FOXJ3: variants seen among roughly 807,000 people sequenced by gnomAD.
FOXJ3 encodes forkhead box J3.
A neutral mutation model predicts 76.1 loss-of-function variants in FOXJ3; 22 were observed. The observed-to-expected ratio is 0.29, with a 90% CI of 0.21 to 0.41. The LOEUF is 0.41. FOXJ3 is among the 10% of genes least tolerant of loss of function. FOXJ3 has a pLI of 1.00. For synonymous variants in FOXJ3, 269 were observed against 261.2 expected (o/e 1.03, Z -0.29); for missense variants, 613 against 762.1 (o/e 0.80, Z 2.30).
At chr1:42,254,679 T>A (rs200440265) in intron 4 of FOXJ3, among the ~76,000 whole-genome samples, 2 of 137,508 alleles carry the variant, frequency 1.5e-5, no homozygotes, top group African/African-American at 5.3e-5. Flanking sequence ...ATGGATGAAA[T>A]TGGAAATCAT....
At chr1:42,193,772 G>T (rs1199153237) in intron 8 of FOXJ3, among the ~76,000 whole-genome samples, 1 of 152,124 alleles carries the variant, frequency 6.6e-6, no homozygotes, top group African/African-American at 2.4e-5. Context: ...CTGAGTTGGG[G>T]TGCCACAGTT....
intron 3 of FOXJ3, among the ~76,000 whole-genome samples, chr1:42,266,547 T>C (rs1651478615): frequency 6.6e-6 from 1 of 152,034 alleles, no homozygotes; most frequent in Non-Finnish European, 1.5e-5. Context: ...AGAAATTAGC[T>C]AAAATTTTAA....
intron 5 of FOXJ3, among the ~76,000 whole-genome samples, chr1:42,227,344 T>C (rs142256823): frequency 6.6e-6 from 1 of 152,358 alleles, no homozygotes; most frequent in East Asian, 1.9e-4. Context: ...ATAGACAACT[T>C]AGGATATTAA....
At chr1:42,330,493 C>T (rs1656092768) in intron 1 of FOXJ3, among the ~76,000 whole-genome samples, 1 of 152,038 alleles carries the variant, frequency 6.6e-6, no homozygotes, top group South Asian at 2.1e-4. Flanking sequence ...CAAAAATTAG[C>T]TGAGCATGGT....
intron 2 of FOXJ3, among the ~76,000 whole-genome samples, chr1:42,300,275 T>C (rs1654051805): frequency 6.6e-6 from 1 of 152,206 alleles, no homozygotes; most frequent in South Asian, 2.1e-4. Flanking sequence ...CCTTAGAGTT[T>C]CAACTATATA....
At chr1:42,292,600 A>C (rs1035650205) in intron 2 of FOXJ3, among the ~76,000 whole-genome samples, 9 of 152,222 alleles carry the variant, frequency 5.9e-5, no homozygotes, top group African/African-American at 2.2e-4. Flanking sequence ...GCAAATATAT[A>C]ATAAGGAACA....
intron 5 of FOXJ3, among the ~76,000 whole-genome samples, chr1:42,224,947 C>T (rs377744708): frequency 1.3e-5 from 2 of 151,642 alleles, no homozygotes; most frequent in East Asian, 1.9e-4. Flanking sequence ...ATTAGCTGGG[C>T]GTGGTGGTAG....
At chr1:42,306,158 C>G (rs996531210) in intron 2 of FOXJ3, among the ~76,000 whole-genome samples, 2 of 152,174 alleles carry the variant, frequency 1.3e-5, no homozygotes, top group African/African-American at 2.4e-5. Flanking sequence ...CTTACTGCAT[C>G]TGTACTTGGA....
chr1:42,218,497 C>T (rs1174633360), intron 5 of FOXJ3, among the ~76,000 whole-genome samples: 1 of 152,128 alleles, frequency 6.6e-6, no homozygotes, highest in African/African-American at 2.4e-5. Context: ...CCGCAAGGGC[C>T]AATATGTTTA....
At chr1:42,219,193 C>A (rs1486176379) in intron 5 of FOXJ3, among the ~76,000 whole-genome samples, 1 of 152,124 alleles carries the variant, frequency 6.6e-6, no homozygotes, top group Non-Finnish European at 1.5e-5. Context: ...GCATGTTATT[C>A]TGAGCAGGGT....
intron 7 of FOXJ3, among the ~76,000 whole-genome samples, chr1:42,195,278 T>C (rs1646630328): frequency 6.6e-6 from 1 of 152,140 alleles, no homozygotes; most frequent in South Asian, 2.1e-4. Context: ...TAACCCAACC[T>C]CCATACTTCA....
At chr1:42,228,867 C>T (rs1009026966) in intron 4 of FOXJ3, among the ~76,000 whole-genome samples, 1 of 152,076 alleles carries the variant, frequency 6.6e-6, no homozygotes, top group Non-Finnish European at 1.5e-5. Context: ...CAATGTATAT[C>T]CTAGTTTTAC....
Position 42,254,294 on chromosome 1 carries a change from TCATTAA to T in FOXJ3, c.444+10815_444+10820del, listed in dbSNP as rs1317279292. ...CATCTCACACCAGTTAGAATGGCAA[TCATTAA>T]AAAGTCAGGAAACAACAGGTGCTGG... On this transcript the variant is annotated intron_variant, in intron 4 of 12. Coordinates refer to ENST00000361346, the MANE Select transcript of FOXJ3 (RefSeq NM_014947.5). 3.5e-4 allele frequency among the ~76,000 whole-genome samples: 52 copies of T among 147,636 alleles called. 1 individual carries two copies. In the East Asian group the frequency reaches 0.01, roughly 30 times the overall value.
At chr1:42,203,427 G>A (rs914241567) in intron 6 of FOXJ3, among the ~76,000 whole-genome samples, 3 of 152,050 alleles carry the variant, frequency 2.0e-5, no homozygotes, top group African/African-American at 7.3e-5. Context: ...ATTTTCTTTC[G>A]GCAGATAGAA....
intron 4 of FOXJ3, among the ~76,000 whole-genome samples, chr1:42,231,965 C>T (rs894501205): frequency 8.6e-5 from 13 of 151,856 alleles, no homozygotes; most frequent in African/African-American, 3.1e-4. Flanking sequence ...CACCCCACAA[C>T]AGGCCCCGGT....
chr1:42,219,132 A>G (rs1010379231), intron 5 of FOXJ3, among the ~76,000 whole-genome samples: 4 of 152,230 alleles, frequency 2.6e-5, no homozygotes, highest in Admixed American at 1.3e-4. Context: ...ACTATGGTCT[A>G]AAAATTTTAA....
At chr1:42,307,285 A>G (rs1570218787) in intron 2 of FOXJ3, among the ~76,000 whole-genome samples, 1 of 152,016 alleles carries the variant, frequency 6.6e-6, no homozygotes, top group Non-Finnish European at 1.5e-5. Context: ...CTGGGTCCCA[A>G]TCTCACAGAA....
At position 42,291,083 on chromosome 1, in the gene FOXJ3, T is replaced by TAGATAGATAGACAGAC. The variant is rs1553167260; in HGVS notation, c.45-12412_45-12411insGTCTGTCTATCTATCT. On this transcript the variant is annotated intron_variant, in intron 2 of 12. Transcript: ENST00000361346. Reference sequence around the variant, plus strand: ...ATAGATAGATAGATAGATAGATAGATAGACAGACAGACAGACAGATAGATC... The same window carrying TAGATAGATAGACAGAC: ...ATAGATAGATAGATAGATAGATAGATAGATAGATAGACAGACAGACAGACAGACAGACAGATAGATC... 7.6e-4 allele frequency among the ~76,000 whole-genome samples: 96 copies of TAGATAGATAGACAGAC among 126,456 alleles called. 1 individual carries two copies. Among genetic ancestry groups the TAGATAGATAGACAGAC allele is most frequent in the Middle Eastern group, 4.0e-3 (1 of 248 alleles). 83.0% of individuals were successfully genotyped at this position (126,456 alleles called of 152,430 possible).
At chr1:42,307,391 T>A (rs1449356334) in intron 2 of FOXJ3, among the ~76,000 whole-genome samples, 1 of 152,244 alleles carries the variant, frequency 6.6e-6, no homozygotes, top group African/African-American at 2.4e-5. Context: ...AAGTTCCTAA[T>A]GTTTTCTCAT....
Sources: allele counts gnomAD v4.1 joint callset (sites outside exome capture counted in the v4.1 genomes callset), GRCh38; gene constraint gnomAD v4.1.1; transcripts MANE v1.5; gene names NCBI Gene and HGNC (gene_info 2026-07-23, HGNC 2026-07-21).